The following CAMK1D variants were observed in gnomAD, a reference collection of about 807,000 sequenced individuals.
CAMK1D encodes calcium/calmodulin dependent protein kinase ID, also known as calcium/calmodulin-dependent protein kinase type 1D.
In CAMK1D, 9 loss-of-function variants were observed where a neutral mutation model predicts 47.7. The observed-to-expected ratio is 0.19, with a 90% CI of 0.11 to 0.33. The LOEUF is 0.33. Ranked by LOEUF, CAMK1D falls within the 10% of genes least tolerant of loss-of-function variation. The pLI is 1.00. For synonymous variants in CAMK1D, 184 were observed against 184.9 expected, an observed-to-expected ratio of 0.99 and a Z score of 0.04; for missense variants, 291 against 488.7, an observed-to-expected ratio of 0.60 and a Z score of 3.81.
At chr10:12,804,160 A>G (rs1588948739) in intron 6 of CAMK1D, among the ~76,000 whole-genome samples, 1 of 152,162 alleles carries the variant, frequency 6.6e-6, no homozygotes, top group East Asian at 1.9e-4. Flanking sequence ...AAAAAGTACT[A>G]CACTTGGGAA....
At chr10:12,718,656 G>C (rs1198911938) in intron 3 of CAMK1D, among the ~76,000 whole-genome samples, 1 of 152,136 alleles carries the variant, frequency 6.6e-6, no homozygotes, top group Non-Finnish European at 1.5e-5. Flanking sequence ...GGAGGTTTTT[G>C]TTTCTTCGTT....
chr10:12,629,689 A>T (rs1839321694), intron 2 of CAMK1D, among the ~76,000 whole-genome samples: 1 of 152,202 alleles, frequency 6.6e-6, no homozygotes, highest in Non-Finnish European at 1.5e-5. Flanking sequence ...CACAATATCC[A>T]AGCTGATGTT....
At chr10:12,814,468 C>CA (rs1420432751) in intron 7 of CAMK1D, among the ~76,000 whole-genome samples, 161 bp downstream of exon 7, 3 of 152,150 alleles carry the variant, frequency 2.0e-5, no homozygotes, top group Non-Finnish European at 2.9e-5. Context: ...CTGGGTGGCT[C>CA]AAACAGCAAA....
intron 3 of CAMK1D, among the ~76,000 whole-genome samples, chr10:12,743,136 A>C (rs555926651): frequency 6.6e-6 from 1 of 152,274 alleles, no homozygotes; most frequent in African/African-American, 2.4e-5. Context: ...TGAGGTCAGG[A>C]GTTTGAGACC....
At chr10:12,521,010 CTT>C (rs1305087027) in intron 1 of CAMK1D, among the ~76,000 whole-genome samples, 37 of 148,428 alleles carry the variant, frequency 2.5e-4, no homozygotes, top group African/African-American at 8.5e-4. Context: ...TTTGTGTTCT[CTT>C]TTTAAAATCA....
intron 1 of CAMK1D, among the ~76,000 whole-genome samples, chr10:12,485,385 C>T (rs763192937): frequency 4.6e-5 from 7 of 152,026 alleles, no homozygotes; most frequent in African/African-American, 7.3e-5. Flanking sequence ...TGCCCCCTGT[C>T]GTGGGGGAGG....
intron 1 of CAMK1D, among the ~76,000 whole-genome samples, chr10:12,371,809 T>G (rs1838014875): frequency 6.6e-6 from 1 of 151,848 alleles, no homozygotes; most frequent in Non-Finnish European, 1.5e-5. Flanking sequence ...TGGGATTACA[T>G]GCATGCACCA....
intron 3 of CAMK1D, among the ~76,000 whole-genome samples, chr10:12,728,449 A>G (rs1012054865): frequency 4.6e-5 from 7 of 152,220 alleles, no homozygotes; most frequent in Non-Finnish European, 8.8e-5. Flanking sequence ...TGGCCACTAC[A>G]GGGCCAAAGT....
chr10:12,734,517 T>TAC (rs1452893798), intron 3 of CAMK1D, among the ~76,000 whole-genome samples: 5 of 146,084 alleles, frequency 3.4e-5, no homozygotes, highest in African/African-American at 1.3e-4. Context: ...CACATATATA[T>TAC]ACACGTATAT....
At chr10:12,614,300 A>G (rs975970541) in intron 2 of CAMK1D, among the ~76,000 whole-genome samples, 1 of 152,220 alleles carries the variant, frequency 6.6e-6, no homozygotes, top group African/African-American at 2.4e-5. Flanking sequence ...TGGTGTTGTC[A>G]TTATGCCCTA....
intron 3 of CAMK1D, among the ~76,000 whole-genome samples, chr10:12,693,733 G>C (rs969805810): frequency 1.3e-5 from 2 of 150,164 alleles, no homozygotes; most frequent in African/African-American, 4.9e-5. Flanking sequence ...GCTTATCCTA[G>C]AGGTCTTGGA....
At chr10:12,688,095 A>G (rs766117490) in intron 3 of CAMK1D, among the ~76,000 whole-genome samples, 1 of 152,232 alleles carries the variant, frequency 6.6e-6, no homozygotes, top group Non-Finnish European at 1.5e-5. Context: ...CATTTAATGC[A>G]GGCTCTGCTG....
chr10:12,694,363 GTTATA>G (rs1833144526), intron 3 of CAMK1D, among the ~76,000 whole-genome samples: 2 of 61,896 alleles, frequency 3.2e-5, no homozygotes, highest in African/African-American at 7.3e-5. Context: ...TATGTTATAT[GTTATA>G]TATAAAATAT....
chr10:12,622,636 G>T (rs921987338), intron 2 of CAMK1D, among the ~76,000 whole-genome samples: 4 of 152,086 alleles, frequency 2.6e-5, no homozygotes, highest in Non-Finnish European at 5.9e-5. Context: ...GCTGGATTTT[G>T]AGCCCCATGG....
intron 3 of CAMK1D, among the ~76,000 whole-genome samples, chr10:12,728,275 A>C (rs1326473092): frequency 6.6e-6 from 1 of 152,228 alleles, no homozygotes; most frequent in Non-Finnish European, 1.5e-5. Flanking sequence ...ATGTTTTTCT[A>C]GCTACCCTCT....
intron 3 of CAMK1D, among the ~76,000 whole-genome samples, chr10:12,675,308 G>A (rs1242106073): frequency 1.3e-5 from 2 of 152,086 alleles, no homozygotes; most frequent in African/African-American, 4.8e-5. Context: ...CTCTAAGCTT[G>A]TATATCCAAC....
At chr10:12,373,902 C>T (rs1192870583) in intron 1 of CAMK1D, among the ~76,000 whole-genome samples, 1 of 148,452 alleles carries the variant, frequency 6.7e-6, no homozygotes, top group Non-Finnish European at 1.5e-5. Flanking sequence ...TGGTGAAACC[C>T]CATCTCTACT....
At chr10:12,453,773 A>G (rs1327746725) in intron 1 of CAMK1D, among the ~76,000 whole-genome samples, 1 of 152,194 alleles carries the variant, frequency 6.6e-6, no homozygotes, top group African/African-American at 2.4e-5. Context: ...TTTAAATGTA[A>G]CAACTAGGAT....
chr10:12,485,051 G>A (rs1302475860), intron 1 of CAMK1D, among the ~76,000 whole-genome samples: 1 of 152,204 alleles, frequency 6.6e-6, no homozygotes, highest in Non-Finnish European at 1.5e-5. Flanking sequence ...CAGAGAGGAG[G>A]CTTTCGGGAA....
Sources: allele counts gnomAD v4.1 joint callset (sites outside exome capture counted in the v4.1 genomes callset), GRCh38; gene constraint gnomAD v4.1.1; transcripts MANE v1.5; gene names NCBI Gene and HGNC (gene_info 2026-07-23, HGNC 2026-07-21).